The following PTN variants were observed in gnomAD, a reference collection of about 807,000 sequenced individuals.
The protein encoded by PTN is pleiotrophin, also known as heparin affin regulatory protein.
In PTN, 18 loss-of-function variants were observed where a neutral mutation model predicts 24.1. That is an observed-to-expected ratio of 0.75 (90% CI 0.52 to 1.11). The LOEUF (loss-of-function observed/expected upper bound fraction) is 1.11. Ranked by LOEUF, PTN falls within the 50% of genes least tolerant of loss-of-function variation. The probability of loss-of-function intolerance (pLI) is 0.00; values close to 1 mark genes in which losing one functional copy is unlikely to be tolerated. For missense variants in PTN, 163 were observed against 198.8 expected, an observed-to-expected ratio of 0.82 and a Z score of 1.08; for synonymous variants, 78 against 68.6, an observed-to-expected ratio of 1.14 and a Z score of -0.67.
chr7:137,227,912 A>G lies in PTN; in HGVS notation c.*108T>C. ...TTCTTTTTGTTTTTGCTTATTGTGTACTTAGCTATAGATAATTTTTGAATA... is the reference window on the plus strand; with the variant it reads ...TTCTTTTTGTTTTTGCTTATTGTGTGCTTAGCTATAGATAATTTTTGAATA... On this transcript the variant is annotated 3_prime_UTR_variant, in exon 5 of 5. Transcript: ENST00000348225. 2.1e-6 allele frequency: 3 copies of G among 1,445,692 alleles called. No individual in the cohort carries two copies. Among genetic ancestry groups the G allele is most frequent in the Non-Finnish European group, 2.8e-6 (3 of 1,083,960 alleles). The allele number at this position is 1,445,692 out of a possible 1,614,324, so 89.6% of individuals were successfully genotyped here. A position where few individuals can be genotyped will look rare whatever the true frequency, so the allele number is the denominator to read the frequency against.
At chr7:137,318,695 C>T (rs1302908505) in intron 1 of PTN, 1 of 152,126 alleles carries the variant, frequency 6.6e-6, no homozygotes, top group African/African-American at 2.4e-5. Context: ...CTTCATTCAC[C>T]ATGAAGTTGT....
In PTN at chr7:137,334,522, T is replaced by A. The variant is rs1220743779; in HGVS notation, c.-2+8917A>T. ...CATCTCACACCAGTTAGAATGGCAA[T>A]CATTAAAAAGTCAGGAAACAACAGG... On this transcript the variant is annotated intron_variant, in intron 1 of 4. Coordinates refer to ENST00000348225, the MANE Select transcript of PTN (RefSeq NM_002825.7). Among the ~76,000 whole-genome samples the A allele has an allele frequency of 2.7e-5, 3 of 110,194 alleles. No individual in the cohort carries two copies. The Admixed American group carries it at 3.0e-4, about 11-fold the overall frequency. 72.3% of individuals were successfully genotyped at this position (110,194 alleles called of 152,430 possible). A position where few individuals can be genotyped will look rare whatever the true frequency, so the allele number is the denominator to read the frequency against.
intron 1 of PTN, among the ~76,000 whole-genome samples, chr7:137,290,485 T>C (rs1809622602): frequency 1.3e-5 from 2 of 152,190 alleles, no homozygotes; most frequent in African/African-American, 4.8e-5. Flanking sequence ...GTTCATCAAA[T>C]TCCTCTGGTC....
intron 1 of PTN, among the ~76,000 whole-genome samples, chr7:137,267,871 A>T (rs1483683890): frequency 6.6e-6 from 1 of 152,160 alleles, no homozygotes; most frequent in Non-Finnish European, 1.5e-5. Flanking sequence ...AAAAACAAAA[A>T]ACAAAGTGCC....
chr7:137,275,371 A>C (rs1809344334), intron 1 of PTN, among the ~76,000 whole-genome samples: 1 of 152,202 alleles, frequency 6.6e-6, no homozygotes, highest in Non-Finnish European at 1.5e-5. Flanking sequence ...CAGAATTATC[A>C]TTAGTATCAG....
chr7:137,278,488 A>C (rs990366225), intron 1 of PTN, among the ~76,000 whole-genome samples: 1 of 152,146 alleles, frequency 6.6e-6, no homozygotes, highest in Non-Finnish European at 1.5e-5. Flanking sequence ...AGAAATAGTC[A>C]TGAGAAAGAT....
chr7:137,342,817 GGT>G (rs1719727635), intron 1 of PTN, among the ~76,000 whole-genome samples: 1 of 152,270 alleles, frequency 6.6e-6, no homozygotes, highest in African/African-American at 2.4e-5. Context: ...TGGGACTCCA[GGT>G]GTGTCTTCTA....
chr7:137,238,164 G>T (rs1808557585), intron 4 of PTN, among the ~76,000 whole-genome samples: 1 of 152,312 alleles, frequency 6.6e-6, no homozygotes, highest in South Asian at 2.1e-4. Context: ...TTGCATCAGT[G>T]AGAAGCAGAG....
In PTN at chr7:137,265,736, A is replaced by G. The variant is rs1363864162; in HGVS notation, c.-1-10762T>C. ...AGACAATCAGGGCCTCTGGCCTGCC[A>G]TGTGCACAAGCATAACAATTGCTTT... On this transcript the variant is annotated intron_variant, in intron 1 of 4. Transcript: ENST00000348225. Among the ~76,000 whole-genome samples, 3 of 152,226 alleles carry G rather than the reference A, an allele frequency of 2.0e-5. No individual in the cohort carries two copies. In the South Asian group the frequency reaches 6.2e-4, roughly 31 times the overall value.
At chr7:137,267,976 T>C (rs1330913490) in intron 1 of PTN, among the ~76,000 whole-genome samples, 2 of 143,678 alleles carry the variant, frequency 1.4e-5, no homozygotes, top group African/African-American at 5.9e-5. Context: ...TCAAACCAAG[T>C]CAAAACAAAA....
At chr7:137,295,378 C>T (rs1809703292) in intron 1 of PTN, among the ~76,000 whole-genome samples, 1 of 151,992 alleles carries the variant, frequency 6.6e-6, no homozygotes, top group Non-Finnish European at 1.5e-5. Context: ...GCCGAAATAT[C>T]GAGGACTGGG....
chr7:137,266,497 G>A (rs889143422), intron 1 of PTN, among the ~76,000 whole-genome samples: 146 of 133,066 alleles, frequency 1.1e-3, no homozygotes, highest in African/African-American at 4.7e-3. Context: ...GACTTTCGCA[G>A]ACAATTCTTC....
intron 4 of PTN, among the ~76,000 whole-genome samples, chr7:137,250,942 T>G (rs80241736): frequency 0.019 from 2,840 of 152,308 alleles, 98 homozygotes; most frequent in African/African-American, 0.066. Flanking sequence ...GTGTGGAATA[T>G]ATGGTCATCA....
At chr7:137,288,677 G>A (rs1193569332) in intron 1 of PTN, among the ~76,000 whole-genome samples, 1 of 152,164 alleles carries the variant, frequency 6.6e-6, no homozygotes, top group East Asian at 1.9e-4. Flanking sequence ...AAGATCAAGT[G>A]TAGAGATGGA....
intron 1 of PTN, among the ~76,000 whole-genome samples, chr7:137,279,719 T>C (rs546481076): frequency 6.6e-6 from 1 of 152,354 alleles, no homozygotes; most frequent in Admixed American, 6.5e-5. Context: ...AGTGACGCTA[T>C]ATTTTAAGAA....
intron 1 of PTN, among the ~76,000 whole-genome samples, chr7:137,325,164 C>T (rs1331005357): frequency 6.6e-6 from 1 of 152,080 alleles, no homozygotes; most frequent in Non-Finnish European, 1.5e-5. Flanking sequence ...ATATAATATG[C>T]CCTGTGTTAA....
At chr7:137,284,078 T>C (rs958158620) in intron 1 of PTN, among the ~76,000 whole-genome samples, 2 of 145,656 alleles carry the variant, frequency 1.4e-5, no homozygotes, top group Non-Finnish European at 3.0e-5. Flanking sequence ...GCCATTCTCC[T>C]GCCTCAGCCT....
intron 1 of PTN, among the ~76,000 whole-genome samples, chr7:137,316,633 C>A (rs2128880574): frequency 6.6e-6 from 1 of 152,186 alleles, no homozygotes; most frequent in Non-Finnish European, 1.5e-5. Flanking sequence ...TCGAGCCGTC[C>A]CAAAAGAGAG....
intron 1 of PTN, among the ~76,000 whole-genome samples, chr7:137,285,699 C>A (rs1276689306): frequency 6.6e-6 from 1 of 152,126 alleles, no homozygotes; most frequent in Non-Finnish European, 1.5e-5. Flanking sequence ...TAGTTGCTAA[C>A]CTACATCACA....
Sources: allele counts gnomAD v4.1 joint callset (sites outside exome capture counted in the v4.1 genomes callset), GRCh38; gene constraint gnomAD v4.1.1; transcripts MANE v1.5; gene names NCBI Gene and HGNC (gene_info 2026-07-23, HGNC 2026-07-21).